Variants in ARHGAP10 observed in about 807,000 individuals in gnomAD.
ARHGAP10 encodes Rho GTPase activating protein 10.
In ARHGAP10, 87 loss-of-function variants were observed where a neutral mutation model predicts 108.6. The observed-to-expected ratio is 0.80, with a 90% confidence interval of 0.67 to 0.96. ARHGAP10 has a LOEUF of 0.96. Ranked by LOEUF, ARHGAP10 falls within the 40% of genes least tolerant of loss-of-function variation. The probability of loss-of-function intolerance (pLI) is 0.00; values close to 1 mark genes in which losing one functional copy is unlikely to be tolerated. For synonymous variants in ARHGAP10, 347 were observed against 341.1 expected, an observed-to-expected ratio of 1.02 and a Z score of -0.19; for missense variants, 939 against 954.5, an observed-to-expected ratio of 0.98 and a Z score of 0.21.
At chr4:148,039,416 G>A (rs969104088) in intron 19 of ARHGAP10, among the ~76,000 whole-genome samples, 27 of 92,126 alleles carry the variant, frequency 2.9e-4, no homozygotes, top group African/African-American at 1.2e-3. Flanking sequence ...GTCTCACTCT[G>A]TAGCCTATAC....
chr4:147,884,416 C>G (rs1458109416), intron 10 of ARHGAP10, among the ~76,000 whole-genome samples: 1 of 152,102 alleles, frequency 6.6e-6, no homozygotes, highest in African/African-American at 2.4e-5. Context: ...TAGGGAGACT[C>G]TCTTTTCAAA....
Position 147,887,256 on chromosome 4 carries a change from C to T in ARHGAP10, c.1034+5324C>T, listed in dbSNP as rs188815631. On this transcript the variant is annotated intron_variant, in intron 10 of 22. Coordinates refer to ENST00000336498, the MANE Select transcript of ARHGAP10 (RefSeq NM_024605.4). Reference sequence around the variant, plus strand: ...AGTGCCCAGACACCCTGCCTTTCCTCCCTGCCTGTGGGAGCTGCCTGTGTT... The same window carrying T: ...AGTGCCCAGACACCCTGCCTTTCCTTCCTGCCTGTGGGAGCTGCCTGTGTT... Among the ~76,000 whole-genome samples, 5 of 152,268 alleles carry T rather than the reference C, an allele frequency of 3.3e-5. No individual in the cohort carries two copies. The East Asian group carries it at 7.7e-4, about 24-fold the overall frequency.
chr4:147,734,448 A>T (rs755372087), intron 1 of ARHGAP10, among the ~76,000 whole-genome samples: 1 of 152,064 alleles, frequency 6.6e-6, no homozygotes, highest in Admixed American at 6.5e-5. Context: ...AGTAATTGGG[A>T]AGTGTCTTTT....
intron 13 of ARHGAP10, among the ~76,000 whole-genome samples, chr4:147,920,466 A>G (rs1737193210): frequency 6.6e-6 from 1 of 152,030 alleles, no homozygotes; most frequent in South Asian, 2.1e-4. Flanking sequence ...CAAATCATCA[A>G]AGTCCCAAAG....
At chr4:147,909,881 T>A (rs995343404) in intron 12 of ARHGAP10, 104 bp downstream of exon 12, 2 of 1,114,730 alleles carry the variant, frequency 1.8e-6, no homozygotes, top group Non-Finnish European at 2.7e-6. Flanking sequence ...CTCTGCACCC[T>A]CTATTAGACA....
chr4:148,064,614 T>G lies in ARHGAP10; in HGVS notation c.2272+107T>G. 1.2e-5 allele frequency: 11 copies of G among 920,870 alleles called. No individual in the cohort carries two copies. The South Asian group carries it at 1.7e-4, about 15-fold the overall frequency. 57.0% of individuals were successfully genotyped at this position (920,870 alleles called of 1,614,324 possible). On this transcript the variant is annotated intron_variant, in intron 22 of 22. Transcript: ENST00000336498. ...GGTGCTGTTGTCGGGAGGGCGAGTCTCCCCCTTGATGCTTTGGACTGGATT... is the reference window on the plus strand; with the variant it reads ...GGTGCTGTTGTCGGGAGGGCGAGTCGCCCCCTTGATGCTTTGGACTGGATT...
chr4:148,068,234 A>T (rs1239286407), intron 22 of ARHGAP10, among the ~76,000 whole-genome samples: 1 of 152,120 alleles, frequency 6.6e-6, no homozygotes, highest in East Asian at 1.9e-4. Context: ...GAGCGACCCC[A>T]CGTGGCAGCG....
intron 1 of ARHGAP10, among the ~76,000 whole-genome samples, chr4:147,805,614 A>T (rs1434347615): frequency 6.6e-6 from 1 of 152,122 alleles, no homozygotes; most frequent in Non-Finnish European, 1.5e-5. Flanking sequence ...TTCATTTTTT[A>T]AAAAACTAGT....
intron 16 of ARHGAP10, 64 bp downstream of exon 16, chr4:147,955,438 T>A: frequency 1.4e-6 from 2 of 1,412,704 alleles, no homozygotes; most frequent in Non-Finnish European, 2.0e-6. Flanking sequence ...AAACGAAAAA[T>A]TTCCATATGA....
At chr4:148,060,284 A>G (rs1395948758) in intron 20 of ARHGAP10, among the ~76,000 whole-genome samples, 1 of 151,764 alleles carries the variant, frequency 6.6e-6, no homozygotes, top group Non-Finnish European at 1.5e-5. Flanking sequence ...GATTCTTCTT[A>G]TTAAAAAGTA....
Position 147,944,698 on chromosome 4 carries a change from GT to G in ARHGAP10, c.1304-1911del, listed in dbSNP as rs1289077568. On this transcript the variant is annotated intron_variant, in intron 14 of 22. Transcript: ENST00000336498. ...AGGGAAAAAACCCTGAAACAACGAG[GT>G]TTTTTTTGGTCTTAGTTAAGACATC... Among the ~76,000 whole-genome samples, 9 of 152,090 alleles carry G rather than the reference GT, an allele frequency of 5.9e-5. 1 individual carries two copies. Among genetic ancestry groups the G allele is most frequent in the Admixed American group, 4.6e-4 (7 of 15,268 alleles).
chr4:148,036,710 C>T (rs531397692), intron 19 of ARHGAP10, among the ~76,000 whole-genome samples: 13 of 152,312 alleles, frequency 8.5e-5, no homozygotes, highest in Non-Finnish European at 1.6e-4. Context: ...TGGACTGATA[C>T]AAGTTGACTA....
intron 1 of ARHGAP10, among the ~76,000 whole-genome samples, chr4:147,766,836 A>ATATTTATTTATT (rs1281281731): frequency 2.3e-5 from 1 of 43,628 alleles, no homozygotes; most frequent in African/African-American, 7.3e-5. Context: ...ATATATATAT[A>ATATTTATTTATT]TATTTATTTA....
At chr4:147,814,415 C>T (rs921655068) in intron 1 of ARHGAP10, among the ~76,000 whole-genome samples, 9 of 151,828 alleles carry the variant, frequency 5.9e-5, no homozygotes, top group African/African-American at 2.2e-4. Context: ...CTCATTTGTG[C>T]CGTGAATGTT....
At chr4:147,911,652 G>A (rs538502457) in intron 12 of ARHGAP10, among the ~76,000 whole-genome samples, 143 of 151,074 alleles carry the variant, frequency 9.5e-4, no homozygotes, top group East Asian at 1.7e-3. Flanking sequence ...GTGAGCCACC[G>A]CGCCTGGCCT....
At chr4:147,792,297 AAT>A (rs1269625381) in intron 1 of ARHGAP10, among the ~76,000 whole-genome samples, 3 of 152,144 alleles carry the variant, frequency 2.0e-5, no homozygotes, top group Admixed American at 1.3e-4. Flanking sequence ...AGTGAGGTTG[AAT>A]ATCTTTTCAC....
chr4:148,049,477 G>A (rs1162803293), intron 20 of ARHGAP10, among the ~76,000 whole-genome samples: 3 of 152,160 alleles, frequency 2.0e-5, no homozygotes, highest in Non-Finnish European at 2.9e-5. Context: ...GCCGGTGTGT[G>A]CTTCCCACAT....
intron 5 of ARHGAP10, among the ~76,000 whole-genome samples, chr4:147,860,739 A>G (rs1734280618): frequency 6.6e-6 from 1 of 152,244 alleles, no homozygotes; most frequent in African/African-American, 2.4e-5. Context: ...TTTCCTAAAT[A>G]ACTTTATGTG....
chr4:147,947,923 T>G (rs1374945692), intron 15 of ARHGAP10, among the ~76,000 whole-genome samples: 1 of 150,800 alleles, frequency 6.6e-6, no homozygotes, highest in Non-Finnish European at 1.5e-5. Flanking sequence ...CTTAATTCAT[T>G]AATCTTCCTA....
Sources: gnomAD v4.1 joint callset for allele counts (sites outside exome capture counted in the v4.1 genomes callset) on GRCh38, gnomAD v4.1.1 for gene constraint, MANE v1.5 for transcripts, NCBI Gene and HGNC (gene_info 2026-07-23, HGNC 2026-07-21) for gene names.